The following CDC73 variants were observed in gnomAD, a reference collection of about 807,000 sequenced individuals.
CDC73 encodes the protein cell division cycle 73, also known as parafibromin.
CDC73 carries 21 observed loss-of-function variants against 83.7 expected under a neutral mutation model. The observed-to-expected ratio is 0.25, with a 90% CI of 0.18 to 0.36. The LOEUF (loss-of-function observed/expected upper bound fraction) is 0.36. Among genes scored for constraint, CDC73 ranks in the 10% least tolerant of loss-of-function variants. The pLI, the probability that CDC73 is intolerant of heterozygous loss-of-function variation, is 1.00. For synonymous variants in CDC73, 224 were observed against 212.9 expected, an observed-to-expected ratio of 1.05 and a Z score of -0.45; for missense variants, 342 against 653.3, an observed-to-expected ratio of 0.52 and a Z score of 5.19.
intron 10 of CDC73, among the ~76,000 whole-genome samples, chr1:193,176,266 T>C (rs1251695782): frequency 6.6e-6 from 1 of 152,206 alleles, no homozygotes; most frequent in Non-Finnish European, 1.5e-5. Context: ...ACCGTTTCCC[T>C]GATCTTTTCC....
rs1439665615 is a variant in CDC73, at chr1:193,222,860, TC to T, written c.1155-10131del. The stretch of plus-strand genomic sequence containing the variant: ...TACTTTAGACCTTCTCATTCTATCT[TC>T]CATGTTTCTTAAATGATTCCATTTT... On this transcript the variant is annotated intron_variant, in intron 13 of 16. Transcript: ENST00000367435. 7.2e-5 allele frequency among the ~76,000 whole-genome samples: 11 copies of T among 151,936 alleles called. No homozygotes were observed. In the East Asian group the frequency reaches 1.2e-3, roughly 16 times the overall value.
chr1:193,239,329 T>A (rs917453398), intron 15 of CDC73, among the ~76,000 whole-genome samples: 3 of 152,202 alleles, frequency 2.0e-5, no homozygotes, highest in African/African-American at 7.2e-5. Context: ...GGCTTCCAGT[T>A]GTTTTCTCCA....
rs752646607 is a variant in CDC73 at position 193,252,231 on chromosome 1, A to G, written c.*1519A>G. On this transcript the variant is annotated 3_prime_UTR_variant, in exon 17 of 17. Coordinates refer to ENST00000367435, the MANE Select transcript of CDC73 (RefSeq NM_024529.5). ...CAAGGTTTGAACAGATTCTACCCCT[A>G]TTTTCCTCCCTTTTTAGCGTCTTCT... 3.9e-5 allele frequency: 9 copies of G among 230,756 alleles called. No homozygotes were observed. The highest frequency in any genetic ancestry group is 6.0e-5 in the Non-Finnish European group (7 of 116,576). The allele number at this position is 230,756 out of a possible 1,614,324, so 14.3% of individuals were successfully genotyped here. A position where few individuals can be genotyped will look rare whatever the true frequency, so the allele number is the denominator to read the frequency against.
At chr1:193,250,326 A>G (rs919150046) in intron 16 of CDC73, among the ~76,000 whole-genome samples, 8 of 151,990 alleles carry the variant, frequency 5.3e-5, no homozygotes, top group Non-Finnish European at 1.2e-4. Context: ...TTACATTAAT[A>G]ACAGTTTTGT....
At chr1:193,179,942 T>A (rs1432609762) in intron 10 of CDC73, 1 of 160,522 alleles carries the variant, frequency 6.2e-6, no homozygotes, top group Non-Finnish European at 1.4e-5. Context: ...AAATGAAGGA[T>A]CTTTTGACTG....
Position 193,254,718 on chromosome 1 carries a change from G to A in CDC73, c.*4006G>A, listed in dbSNP as rs1245011504. On this transcript the variant is annotated 3_prime_UTR_variant, in exon 17 of 17. Coordinates refer to ENST00000367435, the MANE Select transcript of CDC73 (RefSeq NM_024529.5). ...AGGTAATCTTTATAAGGGCATCTTG[G>A]AAGTTATAAATATGTGCCATTTACT... Among the ~76,000 whole-genome samples the A allele has an allele frequency of 6.6e-6, 1 of 152,098 alleles. No individual in the cohort carries two copies. The highest frequency in any genetic ancestry group is 6.5e-5 in the Admixed American group (1 of 15,274).
At chr1:193,162,648 C>T (rs948313323) in intron 10 of CDC73, among the ~76,000 whole-genome samples, 1 of 152,038 alleles carries the variant, frequency 6.6e-6, no homozygotes, top group Non-Finnish European at 1.5e-5. Context: ...GGATTACAGG[C>T]GTGAGCCACC....
chr1:193,167,379 A>G (rs1676450832), intron 10 of CDC73, among the ~76,000 whole-genome samples: 1 of 152,166 alleles, frequency 6.6e-6, no homozygotes, highest in Non-Finnish European at 1.5e-5. Context: ...GACTCCTCGA[A>G]TAAACCATAA....
At position 193,188,164 on chromosome 1, in the gene CDC73, C is replaced by T. The variant is rs781693260; in HGVS notation, c.973-15631C>T. ...GGAGTATTTACTGAAAATCAGATTG[C>T]GTGCTAAGCTTACTTGAGCTGTTAT... On this transcript the variant is annotated intron_variant, in intron 10 of 16. Transcript: ENST00000367435. Among the ~76,000 whole-genome samples the T allele has an allele frequency of 7.9e-5, 12 of 152,254 alleles. No homozygotes were observed. The South Asian group carries it at 1.0e-3, about 13-fold the overall frequency.
intron 7 of CDC73, 39 bp downstream of exon 7, chr1:193,142,105 G>GA (rs1254750614): frequency 6.8e-7 from 1 of 1,478,610 alleles, no homozygotes; most frequent in Non-Finnish European, 9.4e-7. Context: ...GAGTGAGAGA[G>GA]AGAGAGAGAG....
At chr1:193,122,789 T>C (rs1314991685) in intron 1 of CDC73, among the ~76,000 whole-genome samples, 3 of 152,222 alleles carry the variant, frequency 2.0e-5, no homozygotes, top group African/African-American at 7.2e-5. Flanking sequence ...TTTCATCTCC[T>C]TTCATTGTTG....
intron 10 of CDC73, among the ~76,000 whole-genome samples, chr1:193,160,267 G>GT (rs1490112887): frequency 6.6e-6 from 1 of 152,044 alleles, no homozygotes; most frequent in African/African-American, 2.4e-5. Flanking sequence ...AGAAAGAAAA[G>GT]TTATTGTTGC....
At chr1:193,247,410 C>T (rs747994243) in intron 15 of CDC73, among the ~76,000 whole-genome samples, 3 of 152,010 alleles carry the variant, frequency 2.0e-5, no homozygotes, top group African/African-American at 7.2e-5. Context: ...CTTCAGGCCT[C>T]TCTTTTTCCT....
chr1:193,248,788 G>A (rs939530768), intron 15 of CDC73, among the ~76,000 whole-genome samples: 1 of 152,172 alleles, frequency 6.6e-6, no homozygotes, highest in African/African-American at 2.4e-5. Context: ...GCTTGAAGAT[G>A]TGACTGAATT....
chr1:193,175,838 A>T (rs1351808348), intron 10 of CDC73, among the ~76,000 whole-genome samples: 1 of 152,194 alleles, frequency 6.6e-6, no homozygotes, highest in Non-Finnish European at 1.5e-5. Context: ...ATTGTACTCT[A>T]AATTAGAGGT....
intron 6 of CDC73, among the ~76,000 whole-genome samples, chr1:193,141,542 T>C (rs1422400280): frequency 2.0e-5 from 3 of 152,088 alleles, no homozygotes; most frequent in African/African-American, 7.2e-5. Context: ...ATACAGAAAA[T>C]ATAAAGAAAA....
At chr1:193,160,040 T>G (rs1314618688) in intron 10 of CDC73, among the ~76,000 whole-genome samples, 1 of 152,180 alleles carries the variant, frequency 6.6e-6, no homozygotes, top group Non-Finnish European at 1.5e-5. Context: ...TAACTGAGAT[T>G]TATTGAAAAT....
chr1:193,215,150 T>A (rs1488440851), intron 13 of CDC73, among the ~76,000 whole-genome samples: 1 of 152,226 alleles, frequency 6.6e-6, no homozygotes, highest in Non-Finnish European at 1.5e-5. Context: ...ATTCTGAAGA[T>A]AGGTTCAGAA....
chr1:193,230,583 A>G (rs1318196204), intron 13 of CDC73, among the ~76,000 whole-genome samples: 1 of 149,186 alleles, frequency 6.7e-6, no homozygotes, highest in African/African-American at 2.5e-5. Flanking sequence ...ACAATTGCCT[A>G]TCACACACCC....
Sources: gnomAD v4.1 joint callset for allele counts (sites outside exome capture counted in the v4.1 genomes callset) on GRCh38, gnomAD v4.1.1 for gene constraint, MANE v1.5 for transcripts, NCBI Gene and HGNC (gene_info 2026-07-23, HGNC 2026-07-21) for gene names.